Variants in TOGARAM1 observed in about 807,000 individuals in gnomAD.
The protein encoded by TOGARAM1 is TOG array regulator of axonemal microtubules protein 1.
Under a neutral mutation model 166.6 loss-of-function variants are expected in TOGARAM1, and 100 were observed. The observed-to-expected ratio is 0.60, with a 90% CI of 0.51 to 0.71. The LOEUF (loss-of-function observed/expected upper bound fraction) is 0.71. Among genes scored for constraint, TOGARAM1 ranks in the 30% least tolerant of loss-of-function variants. The pLI, the probability that TOGARAM1 is intolerant of heterozygous loss-of-function variation, is 0.00. For missense variants in TOGARAM1, 2,029 were observed against 2,102.7 expected, an observed-to-expected ratio of 0.96 and a Z score of 0.69; for synonymous variants, 758 against 763.8, an observed-to-expected ratio of 0.99 and a Z score of 0.13.
rs1335220369 is a variant in TOGARAM1 at position 45,045,674 on chromosome 14, TATATATACAC to T, written c.4154+822_4154+831del. Among the ~76,000 whole-genome samples, 175 of 102,040 alleles carry T rather than the reference TATATATACAC, an allele frequency of 1.7e-3. 2 individuals are homozygous for T. The highest frequency in any genetic ancestry group is 7.8e-3 in the African/African-American group (134 of 17,074). 66.9% of individuals were successfully genotyped at this position (102,040 alleles called of 152,430 possible). ...ATATATACACACATATATATGTGTA[TATATATACAC>T]ATATATACACATATATATGTGTATA... On this transcript the variant is annotated intron_variant, in intron 13 of 19. Transcript: ENST00000361462.
rs192857005 is a variant in TOGARAM1 at position 45,025,859 on chromosome 14, A to G, written c.3315A>G (p.Val1105=). The change falls in exon 8 of 20, where the codon GTA becomes GTG. Residue 1105 remains valine, a synonymous_variant. Transcript: ENST00000361462. ...AGGCTTTATCAGAAGACTCAGTAGT[A>G]GTTGTTGGAAAAGGTATTTCAAAGT... ...TTKALSEDSV[V]VVGKGVFGSL... The G allele has an allele frequency of 4.5e-5, 72 of 1,585,118 alleles. No individual in the cohort carries two copies. In the African/African-American group the frequency reaches 6.6e-4, roughly 15 times the overall value.
chr14:44,977,580 G>A (rs1427765285), intron 1 of TOGARAM1, among the ~76,000 whole-genome samples: 1 of 152,036 alleles, frequency 6.6e-6, no homozygotes, highest in Admixed American at 6.6e-5. Flanking sequence ...CTTCCTATGA[G>A]ACCCCACACA....
intron 11 of TOGARAM1, among the ~76,000 whole-genome samples, chr14:45,041,226 C>T (rs1881709141): frequency 6.6e-6 from 1 of 151,960 alleles, no homozygotes; most frequent in South Asian, 2.1e-4. Context: ...ACATGTGAAA[C>T]CTCATCTCTC....
At position 45,028,283 on chromosome 14, in the gene TOGARAM1, C is replaced by T. The variant is rs753390830; in HGVS notation, c.3612C>T (p.Ser1204=). ...NKDCEKKEKN[S]WERMRHTGTE... The stretch of plus-strand genomic sequence containing the variant: ...ATTGTGAAAAGAAGGAAAAAAATTC[C>T]TGGGAACGAATGAGACATACAGGAA... The change falls in exon 10 of 20, where the codon TCC becomes TCT. Residue 1204 remains serine (S), a synonymous_variant. Coordinates refer to ENST00000361462, the MANE Select transcript of TOGARAM1 (RefSeq NM_001308120.2). The T allele has an allele frequency of 1.9e-6, 3 of 1,601,828 alleles. No individual in the cohort carries two copies. The highest frequency in any genetic ancestry group is 2.5e-6 in the Non-Finnish European group (3 of 1,176,632).
chr14:45,003,809 T>TGTATACATCTACA (rs1427566481), intron 3 of TOGARAM1, among the ~76,000 whole-genome samples: 1 of 124,382 alleles, frequency 8.0e-6, no homozygotes, highest in Non-Finnish European at 1.6e-5. Flanking sequence ...ATGTATGTAA[T>TGTATACATCTACA]TGATAAAATT....
At chr14:45,058,506 G>A (rs1290572691) in intron 16 of TOGARAM1, among the ~76,000 whole-genome samples, 4 of 152,090 alleles carry the variant, frequency 2.6e-5, no homozygotes, top group Non-Finnish European at 5.9e-5. Flanking sequence ...TGTTGGCCAG[G>A]CTGGTATTAA....
intron 19 of TOGARAM1, 140 bp from the exon 20 acceptor site, chr14:45,073,156 T>C (rs1883455582): frequency 2.6e-6 from 2 of 764,548 alleles, no homozygotes; most frequent in Admixed American, 6.4e-5. Flanking sequence ...GTTTCTTACA[T>C]TGCTTCTTTT....
Position 45,009,119 on chromosome 14 carries a change from T to A in TOGARAM1, c.3111T>A (p.Ser1037=). 6.2e-7 allele frequency: 1 copy of A among 1,613,432 alleles called. No homozygotes were observed. The highest frequency in any genetic ancestry group is 8.5e-7 in the Non-Finnish European group (1 of 1,179,366). ...YSQESLTSSL[S]TTPQGKRIMS... is the part of the protein sequence containing the mutation. ...AAGAATCATTGACTTCTTCTCTGTCTACAACTCCCCAGGGGAAGAGAATAA... is the reference window on the plus strand; with the variant it reads ...AAGAATCATTGACTTCTTCTCTGTCAACAACTCCCCAGGGGAAGAGAATAA... The change falls in exon 6 of 20, where the codon TCT becomes TCA. Residue 1037 remains serine (S), a synonymous_variant. Coordinates refer to ENST00000361462, the MANE Select transcript of TOGARAM1 (RefSeq NM_001308120.2).
chr14:45,011,918 G>C, intron 6 of TOGARAM1, 57 bp from the exon 7 acceptor site: 1 of 1,164,902 alleles, frequency 8.6e-7, no homozygotes, highest in Admixed American at 2.2e-5. Context: ...TATGTGATGT[G>C]AGTATTGAAC....
chr14:45,048,950 C>A (rs1882219691), intron 14 of TOGARAM1, among the ~76,000 whole-genome samples: 1 of 150,616 alleles, frequency 6.6e-6, no homozygotes, highest in African/African-American at 2.5e-5. Flanking sequence ...GCATTCCAAC[C>A]TGGGTGACAG....
chr14:44,971,003 T>A (rs570629002), intron 1 of TOGARAM1, among the ~76,000 whole-genome samples: 1 of 152,290 alleles, frequency 6.6e-6, no homozygotes, highest in Non-Finnish European at 1.5e-5. Context: ...GGTTTTTGTT[T>A]TGTTTTGTTT....
chr14:44,971,420 A>G (rs1464367967), intron 1 of TOGARAM1, among the ~76,000 whole-genome samples: 1 of 152,072 alleles, frequency 6.6e-6, no homozygotes, highest in East Asian at 1.9e-4. Context: ...CATTTCTGAT[A>G]TTAGTAATTT....
At chr14:44,981,651 T>G (rs549827229) in intron 1 of TOGARAM1, among the ~76,000 whole-genome samples, 30 of 152,328 alleles carry the variant, frequency 2.0e-4, no homozygotes, top group Middle Eastern at 6.8e-3. Context: ...ATGCTCATTA[T>G]AGAAAATTTG....
At chr14:44,973,198 C>A (rs1885986570) in intron 1 of TOGARAM1, among the ~76,000 whole-genome samples, 1 of 151,762 alleles carries the variant, frequency 6.6e-6, no homozygotes, top group African/African-American at 2.4e-5. Context: ...TAACATGATT[C>A]AGTTTTCTCT....
chr14:45,024,783 T>G (rs1194234801), intron 7 of TOGARAM1, among the ~76,000 whole-genome samples: 1 of 152,358 alleles, frequency 6.6e-6, no homozygotes, highest in East Asian at 1.9e-4. Flanking sequence ...CTTTAATCTT[T>G]GCCATTTTCA....
chr14:45,031,431 A>G (rs917853888), intron 10 of TOGARAM1, among the ~76,000 whole-genome samples: 15 of 152,214 alleles, frequency 9.9e-5, no homozygotes, highest in Admixed American at 3.3e-4. Flanking sequence ...AGGAAACATC[A>G]TTCTTATTAC....
rs1330859074 is a variant in TOGARAM1, at chr14:44,982,554, G to GT, written c.2047-13186dup. 2.6e-5 allele frequency among the ~76,000 whole-genome samples: 4 copies of GT among 152,278 alleles called. No homozygotes were observed. The South Asian group carries it at 6.2e-4, about 24-fold the overall frequency. ...TGTGTATGTGGGCACGAGGTCTGTAGTTTTTTCAAGGTAGAGGAATTGATT... is the reference window on the plus strand; with the variant it reads ...TGTGTATGTGGGCACGAGGTCTGTAGTTTTTTTCAAGGTAGAGGAATTGATT... On this transcript the variant is annotated intron_variant, in intron 1 of 19. Transcript: ENST00000361462.
intron 14 of TOGARAM1, among the ~76,000 whole-genome samples, chr14:45,052,127 C>A (rs1398454794): frequency 1.3e-5 from 2 of 152,164 alleles, no homozygotes; most frequent in African/African-American, 4.8e-5. Context: ...AAAAGAGTGT[C>A]ATACTGCATA....
At chr14:45,048,153 A>G (rs915417621) in intron 14 of TOGARAM1, among the ~76,000 whole-genome samples, 2 of 151,744 alleles carry the variant, frequency 1.3e-5, no homozygotes, top group Admixed American at 1.3e-4. Context: ...AGAGATTGAG[A>G]CCATTCTGGC....
Sources: allele counts gnomAD v4.1 joint callset (sites outside exome capture counted in the v4.1 genomes callset), GRCh38; gene constraint gnomAD v4.1.1; transcripts MANE v1.5; gene names NCBI Gene and HGNC (gene_info 2026-07-23, HGNC 2026-07-21).